Variants in LHX8 observed in about 807,000 individuals in gnomAD.
The protein encoded by LHX8 is LIM/homeobox protein Lhx8.
Under a neutral mutation model 40.3 loss-of-function variants are expected in LHX8, and 12 were observed. The ratio of observed to expected loss-of-function variants is 0.30; its 90% CI spans 0.19 to 0.48. The LOEUF is 0.48. Among genes scored for constraint, LHX8 ranks in the 20% least tolerant of loss-of-function variants. The pLI is 0.99. For missense variants in LHX8, 344 were observed against 433.7 expected (o/e 0.79, Z 1.84); for synonymous variants, 179 against 162.0 (o/e 1.10, Z -0.80).
chr1:75,148,475 A>G (rs1648521769), intron 6 of LHX8, 112 bp from the exon 7 acceptor site: 5 of 769,686 alleles, frequency 6.5e-6, no homozygotes, highest in Non-Finnish European at 1.2e-5. Flanking sequence ...TTTTCAAGTA[A>G]CAAAAGTATC....
downstream of LHX8, among the ~76,000 whole-genome samples, chr1:75,166,160 C>G (rs74969755): frequency 1.3e-5 from 2 of 152,290 alleles, no homozygotes; most frequent in South Asian, 4.1e-4. Context: ...ACCCCAGGAA[C>G]AAAGCACTTT....
At chr1:75,192,692 TG>T in the LHX8 span, among the ~76,000 whole-genome samples, 25 of 152,188 alleles carry the variant, frequency 1.6e-4, no homozygotes, top group East Asian at 7.7e-4. Flanking sequence ...GCTATGCTTT[TG>T]TTTGTTTGTT....
chr1:75,169,680 A>G, the LHX8 span, among the ~76,000 whole-genome samples: 2 of 152,170 alleles, frequency 1.3e-5, no homozygotes, highest in Non-Finnish European at 2.9e-5. Context: ...AGCCATCCCA[A>G]TGAACTGTTG....
At chr1:75,176,774 T>C in the LHX8 span, among the ~76,000 whole-genome samples, 1 of 152,222 alleles carries the variant, frequency 6.6e-6, no homozygotes, top group African/African-American at 2.4e-5. Flanking sequence ...TGGTATTGCC[T>C]AGGTTTTCTT....
At chr1:75,192,207 A>G in the LHX8 span, among the ~76,000 whole-genome samples, 18 of 152,220 alleles carry the variant, frequency 1.2e-4, no homozygotes, top group Non-Finnish European at 1.9e-4. Context: ...TAGTTGTCAT[A>G]TAATAAGCAT....
At chr1:75,144,867 C>T (rs1033353798) in intron 6 of LHX8, among the ~76,000 whole-genome samples, 3 of 151,956 alleles carry the variant, frequency 2.0e-5, no homozygotes, top group Admixed American at 6.6e-5. Context: ...GTAACTTTTT[C>T]GAAAATCACG....
the LHX8 span, among the ~76,000 whole-genome samples, chr1:75,198,109 T>G: frequency 1.4e-4 from 22 of 152,288 alleles, no homozygotes; most frequent in African/African-American, 5.1e-4. Flanking sequence ...GAAGTTCCTC[T>G]TGGGTACTCC....
chr1:75,153,848 C>A (rs777321184), intron 7 of LHX8, among the ~76,000 whole-genome samples: 1 of 152,132 alleles, frequency 6.6e-6, no homozygotes, highest in Non-Finnish European at 1.5e-5. Flanking sequence ...AGGGTTTTAT[C>A]TATTTTTTTC....
At chr1:75,149,932 CAG>C (rs930617881) in intron 7 of LHX8, among the ~76,000 whole-genome samples, 8 of 152,170 alleles carry the variant, frequency 5.3e-5, no homozygotes, top group African/African-American at 1.9e-4. Flanking sequence ...AATGGGGAAG[CAG>C]AGAGGAGTCA....
At chr1:75,154,580 G>T (rs924927570) in intron 7 of LHX8, among the ~76,000 whole-genome samples, 2 of 152,052 alleles carry the variant, frequency 1.3e-5, no homozygotes. Context: ...GAAAAAGGCC[G>T]GTGGCAGTGG....
chr1:75,143,839 A>T lies in LHX8; in HGVS notation c.581-6A>T. Reference sequence around the variant, plus strand: ...CCAACATATATAGTGTGTTTTTTAAATGCAGGGAATGGGATTAGTGTGGAA... The same window carrying T: ...CCAACATATATAGTGTGTTTTTTAATTGCAGGGAATGGGATTAGTGTGGAA... On this transcript the variant is annotated splice_polypyrimidine_tract_variant and splice_region_variant and intron_variant, in intron 5 of 8. Coordinates refer to ENST00000356261, the MANE Select transcript of LHX8 (RefSeq NM_001256114.2). 1 of 1,607,794 alleles carries T rather than the reference A, an allele frequency of 6.2e-7. No homozygotes were observed. The highest frequency in any genetic ancestry group is 8.5e-7 in the Non-Finnish European group (1 of 1,174,364).
At chr1:75,173,446 C>A in the LHX8 span, among the ~76,000 whole-genome samples, 2 of 142,136 alleles carry the variant, frequency 1.4e-5, no homozygotes, top group Non-Finnish European at 3.0e-5. Context: ...TGCAGTGGCA[C>A]GATCTCGACT....
At position 75,136,633 on chromosome 1, in the gene LHX8, C is replaced by G; in HGVS notation, c.19C>G (p.Arg7Gly). 6.5e-7 allele frequency: 1 copy of G among 1,549,772 alleles called. No individual in the cohort carries two copies. The highest frequency in any genetic ancestry group is 1.4e-5 in the African/African-American group (1 of 73,146). Residue 7 changes from arginine to glycine, a missense_variant, in exon 2 of 9, where the codon CGG (arginine) becomes GGG (glycine). Physicochemically the swap from Arg to Gly is moderately radical, Grantham distance 125. Coordinates refer to ENST00000356261, the MANE Select transcript of LHX8 (RefSeq NM_001256114.2). Reference sequence around the variant, plus strand: ...GGGGCTCATGTCAGAGGAGTGCGGGCGGACTACAGCCCTGGCGGCCGGGAG... The same window carrying G: ...GGGGCTCATGTCAGAGGAGTGCGGGGGGACTACAGCCCTGGCGGCCGGGAG... MSEECGRTTALAAGRTR... is the reference protein window; with the variant it reads MSEECGGTTALAAGRTR...
chr1:75,175,034 T>A, the LHX8 span, among the ~76,000 whole-genome samples: 1 of 152,220 alleles, frequency 6.6e-6, no homozygotes, highest in African/African-American at 2.4e-5. Context: ...ATAGCTTAGC[T>A]CCTGCTTATG....
At chr1:75,147,864 A>G (rs924748242) in intron 6 of LHX8, among the ~76,000 whole-genome samples, 2 of 152,184 alleles carry the variant, frequency 1.3e-5, no homozygotes, top group Admixed American at 6.5e-5. Context: ...CTTTTATTAT[A>G]GGTAGTCATT....
the LHX8 span, among the ~76,000 whole-genome samples, chr1:75,181,055 T>G: frequency 1.3e-5 from 2 of 152,212 alleles, no homozygotes; most frequent in East Asian, 3.9e-4. Flanking sequence ...GAACAGCAAA[T>G]ATTGCTGCTG....
At chr1:75,162,821 G>T (rs112795807), downstream of LHX8, among the ~76,000 whole-genome samples, 2,566 of 152,226 alleles carry the variant, frequency 0.017, 24 homozygotes, top group Non-Finnish European at 0.025. Context: ...TATTAGGAAA[G>T]AATTGAAGTA....
chr1:75,198,619 C>T, the LHX8 span, among the ~76,000 whole-genome samples: 3 of 152,168 alleles, frequency 2.0e-5, no homozygotes. Context: ...TAACAGCCTC[C>T]ATGCTATATC....
At chr1:75,195,749 C>T in the LHX8 span, among the ~76,000 whole-genome samples, 1 of 151,892 alleles carries the variant, frequency 6.6e-6, no homozygotes, top group Non-Finnish European at 1.5e-5. Flanking sequence ...ATCTCTCTCT[C>T]CCCTCTCTCC....
Sources: gnomAD v4.1 joint callset for allele counts (sites outside exome capture counted in the v4.1 genomes callset) on GRCh38, gnomAD v4.1.1 for gene constraint, MANE v1.5 for transcripts, NCBI Gene and HGNC (gene_info 2026-07-23, HGNC 2026-07-21) for gene names.